Variants in MARCHF7 observed in about 807,000 individuals in gnomAD.
The protein encoded by MARCHF7 is E3 ubiquitin-protein ligase MARCHF7.
Under a neutral mutation model 76.5 loss-of-function variants are expected in MARCHF7, and 20 were observed. That is an observed-to-expected ratio of 0.26 (90% confidence interval 0.18 to 0.38). The LOEUF is 0.38. MARCHF7 is among the 10% of genes least tolerant of loss of function. The probability of loss-of-function intolerance (pLI) is 1.00; values close to 1 mark genes in which losing one functional copy is unlikely to be tolerated. For missense variants in MARCHF7, 797 were observed against 812.9 expected, an observed-to-expected ratio of 0.98 and a Z score of 0.24; for synonymous variants, 295 against 293.0, an observed-to-expected ratio of 1.01 and a Z score of -0.07.
At chr2:159,728,547 A>C (rs1017878768) in intron 3 of MARCHF7, among the ~76,000 whole-genome samples, 8 of 152,208 alleles carry the variant, frequency 5.3e-5, no homozygotes, top group Non-Finnish European at 1.2e-4. Flanking sequence ...ACTTGTGTTT[A>C]AACAGATGAC....
At chr2:159,762,713 A>G (rs900718984) in intron 9 of MARCHF7, among the ~76,000 whole-genome samples, 167 bp from the exon 10 acceptor site, 6 of 152,218 alleles carry the variant, frequency 3.9e-5, no homozygotes, top group Non-Finnish European at 8.8e-5. Context: ...TTATGAAATT[A>G]TAAAGATATT....
intron 3 of MARCHF7, among the ~76,000 whole-genome samples, chr2:159,724,313 T>G (rs1170909938): frequency 6.6e-6 from 1 of 152,232 alleles, no homozygotes; most frequent in Admixed American, 6.5e-5. Context: ...CCATTACTTC[T>G]GGTTTTCTGC....
intron 4 of MARCHF7, among the ~76,000 whole-genome samples, chr2:159,734,812 A>G (rs1424847617): frequency 1.8e-4 from 26 of 148,358 alleles, no homozygotes; most frequent in Admixed American, 4.7e-4. Flanking sequence ...CTCTAAAAAT[A>G]AAATGAAAAA....
At chr2:159,765,902 CTCT>C (rs1179953832) in intron 11 of MARCHF7, among the ~76,000 whole-genome samples, 3 of 152,080 alleles carry the variant, frequency 2.0e-5, no homozygotes, top group Non-Finnish European at 4.4e-5. Context: ...ATACAAAGGT[CTCT>C]TCTTTGTTTT....
At position 159,729,192 on chromosome 2, in the gene MARCHF7, G is replaced by C. The variant is rs753409718; in HGVS notation, c.153+17G>C. 2 of 1,571,902 alleles carry C rather than the reference G, an allele frequency of 1.3e-6. No individual in the cohort carries two copies. Among genetic ancestry groups the C allele is most frequent in the Admixed American group, 3.8e-5 (2 of 52,940 alleles). On this transcript the variant is annotated intron_variant, in intron 4 of 11. Coordinates refer to ENST00000409175, the MANE Select transcript of MARCHF7 (RefSeq NM_001282805.2). ...GAATATCAGGTAACATTTTTATTTG[G>C]AATATATGTATACAGCCTTTTTCAA...
intron 4 of MARCHF7, among the ~76,000 whole-genome samples, chr2:159,730,489 C>T (rs982079166): frequency 1.3e-5 from 2 of 152,166 alleles, no homozygotes; most frequent in East Asian, 3.8e-4. Context: ...TGAAAATGCT[C>T]ATATCTACTA....
intron 3 of MARCHF7, among the ~76,000 whole-genome samples, chr2:159,727,784 T>C (rs763690452): frequency 8.5e-5 from 13 of 152,180 alleles, no homozygotes; most frequent in South Asian, 4.1e-4. Flanking sequence ...CTCACAAATA[T>C]AGTGTTGAGC....
intron 3 of MARCHF7, among the ~76,000 whole-genome samples, chr2:159,720,748 G>A (rs1034312014): frequency 6.6e-6 from 1 of 152,082 alleles, no homozygotes; most frequent in African/African-American, 2.4e-5. Context: ...TACTAAATTG[G>A]GACCACCTTA....
intron 3 of MARCHF7, among the ~76,000 whole-genome samples, chr2:159,715,993 G>A (rs2125259658): frequency 6.6e-6 from 1 of 152,234 alleles, no homozygotes; most frequent in Non-Finnish European, 1.5e-5. Context: ...AGAACAGTTT[G>A]CCTTTTACAG....
rs912210543 is a variant in MARCHF7, at chr2:159,769,600, C to G, written c.*2258C>G. 1 of 151,910 alleles carries G rather than the reference C, an allele frequency of 6.6e-6. No individual in the cohort carries two copies. The highest frequency in any genetic ancestry group is 1.5e-5 in the Non-Finnish European group (1 of 68,038). 9.4% of individuals were successfully genotyped at this position (151,910 alleles called of 1,614,324 possible). A position where few individuals can be genotyped will look rare whatever the true frequency, so the allele number is the denominator to read the frequency against. ...GGCGGAGATTGGAGAGAGCCAAGAT[C>G]GAGCCACTGCACTGTAGCCTGGGCA... On this transcript the variant is annotated 3_prime_UTR_variant, in exon 12 of 12. Coordinates refer to ENST00000409175, the MANE Select transcript of MARCHF7 (RefSeq NM_001282805.2).
intron 4 of MARCHF7, chr2:159,733,113 G>A: frequency 1.5e-6 from 1 of 659,036 alleles, no homozygotes; most frequent in Non-Finnish European, 1.9e-6. Context: ...ATTATTTCCT[G>A]GCTTTACATT....
intron 4 of MARCHF7, chr2:159,732,717 A>T (rs1702970819): frequency 2.7e-6 from 1 of 374,190 alleles, no homozygotes; most frequent in Admixed American, 6.4e-5. Context: ...TTTCTTATAG[A>T]GATGGGGTCT....
At chr2:159,749,358 G>A (rs1409267370) in intron 7 of MARCHF7, among the ~76,000 whole-genome samples, 1 of 151,288 alleles carries the variant, frequency 6.6e-6, no homozygotes, top group Non-Finnish European at 1.5e-5. Context: ...TTTTGTTGTT[G>A]TTGTTGTTGT....
chr2:159,738,516 C>T lies in MARCHF7; in HGVS notation c.154-4545C>T, dbSNP rs1703739635. On this transcript the variant is annotated intron_variant, in intron 4 of 11. Coordinates refer to ENST00000409175, the MANE Select transcript of MARCHF7 (RefSeq NM_001282805.2). ...CAAGGCGAAGAGGGGCTTTATTGAGCAGTAGCACAGCTCTCAGGAGACCCA... is the reference window on the plus strand; with the variant it reads ...CAAGGCGAAGAGGGGCTTTATTGAGTAGTAGCACAGCTCTCAGGAGACCCA... 3.9e-5 allele frequency among the ~76,000 whole-genome samples: 6 copies of T among 152,164 alleles called. No individual in the cohort carries two copies. The South Asian group carries it at 1.0e-3, about 26-fold the overall frequency.
chr2:159,732,699 A>T (rs543703137), intron 4 of MARCHF7: 65 of 261,610 alleles, frequency 2.5e-4, no homozygotes, highest in African/African-American at 1.0e-3. Context: ...CTAATTTTTT[A>T]AAAAATTTTT....
intron 7 of MARCHF7, among the ~76,000 whole-genome samples, chr2:159,752,033 T>C (rs1259471149): frequency 6.6e-6 from 1 of 152,188 alleles, no homozygotes; most frequent in Non-Finnish European, 1.5e-5. Context: ...TAGTCTGGAA[T>C]ACTACAGAAA....
intron 4 of MARCHF7, among the ~76,000 whole-genome samples, chr2:159,734,942 A>G (rs754724952): frequency 5.9e-5 from 9 of 152,118 alleles, no homozygotes; most frequent in South Asian, 2.1e-4. Context: ...TGATCATGCA[A>G]TTGCACTCCA....
chr2:159,712,691 G>A (rs1382424812), intron 1 of MARCHF7, 85 bp downstream of exon 1: 3 of 152,318 alleles, frequency 2.0e-5, no homozygotes, highest in Non-Finnish European at 4.4e-5. Context: ...GTTCTTCTCC[G>A]TCTTGGGCGC....
At chr2:159,729,515 AC>A (rs1702538306) in intron 4 of MARCHF7, among the ~76,000 whole-genome samples, 1 of 152,214 alleles carries the variant, frequency 6.6e-6, no homozygotes, top group East Asian at 1.9e-4. Flanking sequence ...GACTAAAAAT[AC>A]AAAAAAATTA....
Sources: gnomAD v4.1 joint callset for allele counts (sites outside exome capture counted in the v4.1 genomes callset) on GRCh38, gnomAD v4.1.1 for gene constraint, MANE v1.5 for transcripts, NCBI Gene and HGNC (gene_info 2026-07-23, HGNC 2026-07-21) for gene names.